PRUNE2: variants seen among roughly 807,000 people sequenced by gnomAD.
PRUNE2 encodes protein prune homolog 2.
PRUNE2 carries 164 observed loss-of-function variants against 252.0 expected under a neutral mutation model. That is an observed-to-expected ratio of 0.65 (90% CI 0.57 to 0.74). The LOEUF is 0.74. PRUNE2 is among the 30% of genes least tolerant of loss of function. PRUNE2 has a pLI of 0.00. For synonymous variants in PRUNE2, 1,292 were observed against 1,350.2 expected (o/e 0.96, Z 0.94); for missense variants, 3,495 against 3,711.0 (o/e 0.94, Z 1.51).
chr9:76,893,063 G>A (rs1435947033), intron 1 of PRUNE2, among the ~76,000 whole-genome samples: 1 of 152,134 alleles, frequency 6.6e-6, no homozygotes, highest in Admixed American at 6.5e-5. Flanking sequence ...AACATAATGA[G>A]ACCTTGTCTC....
intron 1 of PRUNE2, chr9:76,857,063 C>G (rs897552631): frequency 1.1e-5 from 5 of 455,798 alleles, no homozygotes; most frequent in African/African-American, 8.0e-5. Context: ...CAACATGTCT[C>G]TTTTTTCATG....
chr9:76,700,812 CCTCTT>C (rs762640212), intron 9 of PRUNE2, among the ~76,000 whole-genome samples: 71 of 152,156 alleles, frequency 4.7e-4, no homozygotes, highest in Non-Finnish European at 8.5e-4. Context: ...AGATATCTCT[CCTCTT>C]ATTTCCTCAC....
intron 6 of PRUNE2, among the ~76,000 whole-genome samples, chr9:76,718,739 G>C (rs1295966667): frequency 1.3e-5 from 2 of 151,960 alleles, no homozygotes; most frequent in East Asian, 3.9e-4. Context: ...CCATTTGTCT[G>C]CCACTGATGA....
At chr9:76,901,256 G>T (rs2133732634) in intron 1 of PRUNE2, among the ~76,000 whole-genome samples, 1 of 152,306 alleles carries the variant, frequency 6.6e-6, no homozygotes, top group South Asian at 2.1e-4. Flanking sequence ...TTCCTCATCA[G>T]CCCCTAAGCA....
Position 76,823,636 on chromosome 9 carries a change from A to T in PRUNE2, c.752T>A (p.Leu251His). 6.3e-7 allele frequency: 1 copy of T among 1,583,772 alleles called. No individual in the cohort carries two copies. Among genetic ancestry groups the T allele is most frequent in the Non-Finnish European group, 8.7e-7 (1 of 1,152,330 alleles). The change falls in exon 6 of 19, where the codon CTT becomes CAT. Residue 251 changes from leucine (L) to histidine (H), a missense_variant. Transcript: ENST00000376718. Reference sequence around the variant, plus strand: ...AAAAAGCATTCCCACCCTTACCTCAAGGTTCATGCTCACAGTACTAATGGC... The same window carrying T: ...AAAAAGCATTCCCACCCTTACCTCATGGTTCATGCTCACAGTACTAATGGC... The part of the protein sequence containing the change: ...KVAISTVSMN[L>H]ENCLFHSNIT...
chr9:76,896,500 G>A (rs370619035), intron 1 of PRUNE2, among the ~76,000 whole-genome samples: 5 of 152,272 alleles, frequency 3.3e-5, no homozygotes, highest in African/African-American at 9.6e-5. Context: ...CACTTACAAC[G>A]CATCCTGTCC....
chr9:76,837,014 T>C (rs765556327), intron 4 of PRUNE2, among the ~76,000 whole-genome samples: 19 of 152,232 alleles, frequency 1.2e-4, no homozygotes, highest in Non-Finnish European at 2.2e-4. Flanking sequence ...CAGCTGTGTA[T>C]AAGACTAAAA....
In PRUNE2 at chr9:76,832,854, G is replaced by C. The variant is rs145105937; in HGVS notation, c.509-6122C>G. On this transcript the variant is annotated intron_variant, in intron 4 of 18. Coordinates refer to ENST00000376718, the MANE Select transcript of PRUNE2 (RefSeq NM_015225.3). ...GTTTACCAATATTAATAATGAAATC[G>C]TGACATAACTAGATTCTACGGACAT... Among the ~76,000 whole-genome samples the C allele has an allele frequency of 1.7e-3, 256 of 152,052 alleles. 1 individual carries two copies. In the Middle Eastern group the frequency reaches 0.024, roughly 14 times the overall value.
chr9:76,838,645 CAAAA>C (rs10540002), intron 4 of PRUNE2, among the ~76,000 whole-genome samples: 1 of 84,654 alleles, frequency 1.2e-5, no homozygotes, highest in African/African-American at 3.9e-5. Flanking sequence ...AACTCTGTCT[CAAAA>C]AAAAAAAAAA....
At chr9:76,759,911 G>A (rs1019282230) in intron 6 of PRUNE2, 6 of 152,262 alleles carry the variant, frequency 3.9e-5, no homozygotes, top group African/African-American at 9.7e-5. Context: ...GCCCATCTGC[G>A]TGCTCCTCCT....
chr9:76,891,755 C>T (rs1173075199), intron 1 of PRUNE2, among the ~76,000 whole-genome samples: 1 of 152,198 alleles, frequency 6.6e-6, no homozygotes, highest in Non-Finnish European at 1.5e-5. Flanking sequence ...AATTTTTCTT[C>T]GCACAGATGC....
At position 76,628,193 on chromosome 9, in the gene PRUNE2, T is replaced by C. The variant is rs572309188; in HGVS notation, c.9149+999A>G. On this transcript the variant is annotated intron_variant, in intron 16 of 18. Coordinates refer to ENST00000376718, the MANE Select transcript of PRUNE2 (RefSeq NM_015225.3). ...AGAAAACAATCGTTCTTTGCAACAATGTACCAGATACAACTGTTCATTCTC... is the reference window on the plus strand; with the variant it reads ...AGAAAACAATCGTTCTTTGCAACAACGTACCAGATACAACTGTTCATTCTC... Among the ~76,000 whole-genome samples the C allele has an allele frequency of 1.4e-4, 21 of 152,142 alleles. No homozygotes were observed. In the East Asian group the frequency reaches 3.5e-3, roughly 25 times the overall value.
intron 6 of PRUNE2, chr9:76,739,477 A>G (rs1006611205): frequency 2.0e-5 from 3 of 152,166 alleles, no homozygotes; most frequent in South Asian, 2.1e-4. Flanking sequence ...TTTCCCAAAT[A>G]TAAGTCTATA....
At chr9:76,795,892 C>A (rs766642982) in intron 6 of PRUNE2, among the ~76,000 whole-genome samples, 9 of 152,160 alleles carry the variant, frequency 5.9e-5, no homozygotes, top group Non-Finnish European at 1.2e-4. Context: ...ATTGACTTTT[C>A]ATATTGAGAA....
chr9:76,672,494 C>T (rs9802207), intron 9 of PRUNE2, among the ~76,000 whole-genome samples: 17,950 of 119,476 alleles, frequency 0.15, 1,124 homozygotes, highest in Middle Eastern at 0.22. Flanking sequence ...GACAGATCAA[C>T]GAGACAGAAA....
At chr9:76,852,837 TATCTATCTATCC>T (rs1336072961) in intron 2 of PRUNE2, among the ~76,000 whole-genome samples, 7 of 151,920 alleles carry the variant, frequency 4.6e-5, no homozygotes, top group African/African-American at 1.7e-4. Context: ...TCTATCTATC[TATCTATCTATCC>T]ATGTGTTTTA....
intron 6 of PRUNE2, among the ~76,000 whole-genome samples, chr9:76,747,522 G>T (rs189470869): frequency 3.2e-4 from 48 of 152,200 alleles, no homozygotes; most frequent in Admixed American, 1.1e-3. Context: ...ATGTGCCTAA[G>T]GTCACACGAG....
chr9:76,682,649 G>T (rs1003962098), intron 9 of PRUNE2, among the ~76,000 whole-genome samples: 1 of 152,096 alleles, frequency 6.6e-6, no homozygotes, highest in Non-Finnish European at 1.5e-5. Flanking sequence ...GATTATGGGC[G>T]TGAGCCACTG....
intron 1 of PRUNE2, among the ~76,000 whole-genome samples, chr9:76,895,558 T>C (rs987329256): frequency 1.3e-5 from 2 of 152,144 alleles, no homozygotes; most frequent in African/African-American, 4.8e-5. Flanking sequence ...GAGTGGGAAA[T>C]TTTTCTGAAA....
Sources: allele counts gnomAD v4.1 joint callset (sites outside exome capture counted in the v4.1 genomes callset), GRCh38; gene constraint gnomAD v4.1.1; transcripts MANE v1.5; gene names NCBI Gene and HGNC (gene_info 2026-07-23, HGNC 2026-07-21).